The following LPCAT2 variants were observed in gnomAD, a reference collection of about 807,000 sequenced individuals.
LPCAT2 encodes the protein 1-AGP acyltransferase 11.
In LPCAT2, 58 loss-of-function variants were observed where a neutral mutation model predicts 64.7. The ratio of observed to expected loss-of-function variants is 0.90; its 90% CI spans 0.73 to 1.12. The LOEUF is 1.12. LPCAT2 is among the 50% of genes most tolerant of loss of function. The probability of loss-of-function intolerance (pLI) is 0.00; values close to 1 mark genes in which losing one functional copy is unlikely to be tolerated. For missense variants in LPCAT2, 579 were observed against 669.8 expected (o/e 0.86, Z 1.50); for synonymous variants, 252 against 245.3 (o/e 1.03, Z -0.26).
chr16:55,555,422 G>A (rs1430142659), intron 11 of LPCAT2, among the ~76,000 whole-genome samples: 2 of 152,146 alleles, frequency 1.3e-5, no homozygotes, highest in African/African-American at 4.8e-5. Context: ...TTTGTTCAAA[G>A]TTGCCAGTTA....
chr16:55,554,252 G>T (rs1963550231), intron 11 of LPCAT2, among the ~76,000 whole-genome samples: 1 of 152,078 alleles, frequency 6.6e-6, no homozygotes, highest in Admixed American at 6.5e-5. Flanking sequence ...TTTCTCTCTA[G>T]GTATGAAAGT....
chr16:55,530,325 A>C (rs1180525641), intron 4 of LPCAT2, among the ~76,000 whole-genome samples: 5 of 152,256 alleles, frequency 3.3e-5, no homozygotes, highest in Admixed American at 3.3e-4. Flanking sequence ...TTAATTATAT[A>C]AGCTCAGTTA....
At position 55,584,674 on chromosome 16, in the gene LPCAT2, T is replaced by C. The variant is rs2142430587; in HGVS notation, c.*1576T>C. On this transcript the variant is annotated 3_prime_UTR_variant, in exon 14 of 14. Coordinates refer to ENST00000262134, the MANE Select transcript of LPCAT2 (RefSeq NM_017839.5). Reference sequence around the variant, plus strand: ...AATTTTTTAAAGTCATTTTTGAAGTTGGGAAGTCTCATGAGAGATGTTGAA... The same window carrying C: ...AATTTTTTAAAGTCATTTTTGAAGTCGGGAAGTCTCATGAGAGATGTTGAA... 1 of 152,294 alleles carries C rather than the reference T, an allele frequency of 6.6e-6. No individual in the cohort carries two copies. Among genetic ancestry groups the C allele is most frequent in the South Asian group, 2.1e-4 (1 of 4,834 alleles). 9.4% of individuals were successfully genotyped at this position (152,294 alleles called of 1,614,324 possible).
intron 11 of LPCAT2, among the ~76,000 whole-genome samples, chr16:55,556,175 A>G (rs918458624): frequency 2.6e-5 from 4 of 152,158 alleles, no homozygotes; most frequent in Non-Finnish European, 4.4e-5. Context: ...TTTTACTTGT[A>G]TGATTACTAA....
intron 10 of LPCAT2, among the ~76,000 whole-genome samples, chr16:55,550,074 A>G (rs2142398959): frequency 6.6e-6 from 1 of 152,304 alleles, no homozygotes; most frequent in Admixed American, 6.5e-5. Context: ...TTACTATATC[A>G]AAGTTCAGTA....
chr16:55,555,069 ATAT>A (rs1172819065), intron 11 of LPCAT2, among the ~76,000 whole-genome samples: 7 of 152,198 alleles, frequency 4.6e-5, no homozygotes, highest in African/African-American at 1.7e-4. Context: ...ATTTTTTGAA[ATAT>A]TAGGAGAATT....
chr16:55,539,503 T>C (rs1442775940), intron 8 of LPCAT2: 5 of 152,196 alleles, frequency 3.3e-5, no homozygotes, highest in Non-Finnish European at 7.3e-5. Context: ...TTATTTTAAT[T>C]ATGTTTACTT....
chr16:55,574,825 T>A, intron 12 of LPCAT2, 96 bp downstream of exon 12: 1 of 890,498 alleles, frequency 1.1e-6, no homozygotes, highest in Non-Finnish European at 1.9e-6. Context: ...TATTATGTGA[T>A]TTTATAGATC....
intron 1 of LPCAT2, among the ~76,000 whole-genome samples, 194 bp from the exon 2 acceptor site, chr16:55,525,314 G>C (rs1963154398): frequency 6.6e-6 from 1 of 152,222 alleles, no homozygotes; most frequent in South Asian, 2.1e-4. Flanking sequence ...TTGCTACACA[G>C]TAGGCTTTGT....
chr16:55,519,223 G>T (rs545672217), intron 1 of LPCAT2, among the ~76,000 whole-genome samples: 1 of 152,046 alleles, frequency 6.6e-6, no homozygotes, highest in African/African-American at 2.4e-5. Context: ...TAAAGAGGCC[G>T]GGCACGGTGG....
rs1043505144 is a variant in LPCAT2 at position 55,585,436 on chromosome 16, T to A, written c.*2338T>A. ...CATCAATATTATTGCAGACCAGGAC[T>A]CTGCTTATATGCCTTGCTAACAAAG... On this transcript the variant is annotated 3_prime_UTR_variant, in exon 14 of 14. Coordinates refer to ENST00000262134, the MANE Select transcript of LPCAT2 (RefSeq NM_017839.5). The A allele has an allele frequency of 6.6e-5, 10 of 152,214 alleles. No homozygotes were observed. The highest frequency in any genetic ancestry group is 2.1e-4 in the South Asian group (1 of 4,836). The allele number at this position is 152,214 out of a possible 1,614,324, so 9.4% of individuals were successfully genotyped here. A position where few individuals can be genotyped will look rare whatever the true frequency, so the allele number is the denominator to read the frequency against.
chr16:55,559,409 G>C (rs1259902040), intron 11 of LPCAT2, among the ~76,000 whole-genome samples: 1 of 152,136 alleles, frequency 6.6e-6, no homozygotes, highest in Non-Finnish European at 1.5e-5. Flanking sequence ...TGGAATGAAT[G>C]TGTTTCTTTA....
chr16:55,547,383 C>T (rs1457262649), intron 9 of LPCAT2, among the ~76,000 whole-genome samples: 1 of 152,174 alleles, frequency 6.6e-6, no homozygotes, highest in Non-Finnish European at 1.5e-5. Flanking sequence ...AAAATCATTG[C>T]CTTGCCTTTC....
At chr16:55,548,128 A>C (rs913387446) in intron 9 of LPCAT2, among the ~76,000 whole-genome samples, 2 of 152,234 alleles carry the variant, frequency 1.3e-5, no homozygotes, top group African/African-American at 4.8e-5. Flanking sequence ...GCAATGATTC[A>C]ACAAAATCCA....
chr16:55,581,349 G>A (rs1963884965), intron 13 of LPCAT2, among the ~76,000 whole-genome samples: 1 of 152,076 alleles, frequency 6.6e-6, no homozygotes, highest in Admixed American at 6.6e-5. Flanking sequence ...TATTTTGGAA[G>A]TTAAAAAAGA....
At chr16:55,579,890 A>G (rs1473399669) in intron 13 of LPCAT2, among the ~76,000 whole-genome samples, 2 of 152,206 alleles carry the variant, frequency 1.3e-5, no homozygotes, top group African/African-American at 4.8e-5. Context: ...TCTATCCATC[A>G]GTAACTGTCT....
chr16:55,509,301 G>T lies in LPCAT2; in HGVS notation c.120G>T (p.Val40=). 6.6e-7 allele frequency: 1 copy of T among 1,513,546 alleles called. No individual in the cohort carries two copies. The allele number at this position is 1,513,546 out of a possible 1,614,324, so 93.8% of individuals were successfully genotyped here. A position where few individuals can be genotyped will look rare whatever the true frequency, so the allele number is the denominator to read the frequency against. ...PRQASFFPPP[V]PNPFVQQTQI... ...AGGCGTCCTTCTTCCCGCCGCCGGT[G>T]CCGAACCCCTTCGTGCAGCAGACGC... The change falls in exon 1 of 14, where the codon GTG becomes GTT. Residue 40 remains valine (V), a synonymous_variant. Coordinates refer to ENST00000262134, the MANE Select transcript of LPCAT2 (RefSeq NM_017839.5).
rs1188626103 is a variant in LPCAT2 at position 55,525,550 on chromosome 16, T to C, written c.214T>C (p.Leu72=). Residue 72 remains leucine, a synonymous_variant, in exon 2 of 14, where the codon TTG becomes CTG. Coordinates refer to ENST00000262134, the MANE Select transcript of LPCAT2 (RefSeq NM_017839.5). ...GIILLPIRVL[L]VALILLLAWP... ...TATCTTGCTTCCAATTCGTGTCTTATTGGTTGCGTTAATTTTATTACTTGC... is the reference window on the plus strand; with the variant it reads ...TATCTTGCTTCCAATTCGTGTCTTACTGGTTGCGTTAATTTTATTACTTGC... 3 of 1,611,818 alleles carry C rather than the reference T, an allele frequency of 1.9e-6. No individual in the cohort carries two copies. The highest frequency in any genetic ancestry group is 2.2e-5 in the East Asian group (1 of 44,736).
Position 55,566,871 on chromosome 16 carries a change from G to A in LPCAT2, c.1216-7760G>A, listed in dbSNP as rs774457292. The A allele has an allele frequency of 2.5e-5, 41 of 1,613,882 alleles. No individual in the cohort carries two copies. Among genetic ancestry groups the A allele is most frequent in the Non-Finnish European group, 3.3e-5 (39 of 1,179,858 alleles). Reference sequence around the variant, plus strand: ...AGAAGGAGGAGGAAGAAATATTGGAGGGATAGTTGGAGGAATTGTGAATTT... The same window carrying A: ...AGAAGGAGGAGGAAGAAATATTGGAAGGATAGTTGGAGGAATTGTGAATTT... On this transcript the variant is annotated intron_variant, in intron 11 of 13. Coordinates refer to ENST00000262134, the MANE Select transcript of LPCAT2 (RefSeq NM_017839.5).
Sources: allele counts gnomAD v4.1 joint callset (sites outside exome capture counted in the v4.1 genomes callset), GRCh38; gene constraint gnomAD v4.1.1; transcripts MANE v1.5; gene names NCBI Gene and HGNC (gene_info 2026-07-23, HGNC 2026-07-21).